FANCL: variants seen among roughly 807,000 people sequenced by gnomAD.
FANCL encodes the protein E3 ubiquitin-protein ligase FANCL.
A neutral mutation model predicts 59.4 loss-of-function variants in FANCL; 69 were observed. The ratio of observed to expected loss-of-function variants is 1.16; its 90% CI spans 0.96 to 1.42. FANCL has a LOEUF of 1.42. Ranked by LOEUF, FANCL falls within the 40% of genes most tolerant of loss-of-function variation. The pLI is 0.00. For missense variants in FANCL, 519 were observed against 447.2 expected (o/e 1.16, Z -1.45); for synonymous variants, 180 against 147.1 (o/e 1.22, Z -1.62).
intron 7 of FANCL, among the ~76,000 whole-genome samples, chr2:58,188,695 C>T (rs1203633990): frequency 6.6e-6 from 1 of 151,630 alleles, no homozygotes; most frequent in Non-Finnish European, 1.5e-5. Flanking sequence ...TCGTCTCGGC[C>T]TCCTGAAGTG....
intron 7 of FANCL, among the ~76,000 whole-genome samples, chr2:58,196,889 T>A (rs1211460366): frequency 6.6e-6 from 1 of 151,772 alleles, no homozygotes; most frequent in Non-Finnish European, 1.5e-5. Flanking sequence ...TTTCTCATGA[T>A]CTCACTTAAA....
intron 5 of FANCL, among the ~76,000 whole-genome samples, chr2:58,216,828 G>A (rs964251049): frequency 3.3e-5 from 5 of 151,658 alleles, no homozygotes; most frequent in East Asian, 2.0e-4. Context: ...TCTCCTTACC[G>A]CCCAGGTTGG....
intron 1 of FANCL, among the ~76,000 whole-genome samples, chr2:58,237,147 T>C (rs978998504): frequency 2.0e-5 from 3 of 152,138 alleles, no homozygotes; most frequent in African/African-American, 7.2e-5. Flanking sequence ...TATAATACTC[T>C]ACCCAATAGC....
At chr2:58,218,963 A>C (rs920643740) in intron 5 of FANCL, among the ~76,000 whole-genome samples, 1 of 150,658 alleles carries the variant, frequency 6.6e-6, no homozygotes, top group Non-Finnish European at 1.5e-5. Flanking sequence ...TTTTTCAGCT[A>C]AGAAGGCCTA....
At chr2:58,190,452 G>A (rs1335111080) in intron 7 of FANCL, among the ~76,000 whole-genome samples, 5 of 135,460 alleles carry the variant, frequency 3.7e-5, no homozygotes, top group African/African-American at 1.4e-4. Flanking sequence ...ATCCTATATT[G>A]TGTACTATTC....
chr2:58,201,030 TGG>T (rs1479315243), intron 6 of FANCL, among the ~76,000 whole-genome samples: 3 of 150,800 alleles, frequency 2.0e-5, no homozygotes, highest in Non-Finnish European at 4.4e-5. Context: ...TATGTAAGTC[TGG>T]ATGATTTATC....
At chr2:58,162,336 A>G (rs1685311442) in intron 11 of FANCL, among the ~76,000 whole-genome samples, 1 of 151,958 alleles carries the variant, frequency 6.6e-6, no homozygotes, top group Admixed American at 6.6e-5. Context: ...TAAACAGACT[A>G]TGTAGAAAAG....
At chr2:58,223,412 C>A (rs1558815566) in intron 4 of FANCL, among the ~76,000 whole-genome samples, 1 of 151,772 alleles carries the variant, frequency 6.6e-6, no homozygotes. Context: ...TGTTTTTATT[C>A]TGAAATATTA....
At chr2:58,218,729 A>C (rs1313469242) in intron 5 of FANCL, among the ~76,000 whole-genome samples, 1 of 152,028 alleles carries the variant, frequency 6.6e-6, no homozygotes, top group Non-Finnish European at 1.5e-5. Context: ...GCAACTGAAC[A>C]ATTAAGTAAA....
chr2:58,159,386 A>T lies in FANCL; in HGVS notation c.*379T>A, dbSNP rs1404775219. 4.3e-6 allele frequency: 7 copies of T among 1,612,604 alleles called. No individual in the cohort carries two copies. The highest frequency in any genetic ancestry group is 5.9e-6 in the Non-Finnish European group (7 of 1,179,354). ...AGAAGACAGAAATATCAAGAGTCTC[A>T]AGAACCTTTGAATGAAGTAAACAGT... On this transcript the variant is annotated 3_prime_UTR_variant, in exon 14 of 14. Coordinates refer to ENST00000233741, the MANE Select transcript of FANCL (RefSeq NM_018062.4).
At chr2:58,222,652 T>C (rs1029698305) in intron 4 of FANCL, among the ~76,000 whole-genome samples, 1 of 152,064 alleles carries the variant, frequency 6.6e-6, no homozygotes, top group African/African-American at 2.4e-5. Context: ...TTAAAATGTT[T>C]ATGTTCTCCC....
At chr2:58,184,959 C>T (rs958257779) in intron 7 of FANCL, among the ~76,000 whole-genome samples, 2 of 152,120 alleles carry the variant, frequency 1.3e-5, no homozygotes, top group Non-Finnish European at 1.5e-5. Context: ...CACCAACCCA[C>T]CACAGACTTT....
intron 7 of FANCL, among the ~76,000 whole-genome samples, chr2:58,182,615 C>T (rs953488882): frequency 2.2e-4 from 33 of 151,736 alleles, no homozygotes; most frequent in Non-Finnish European, 5.9e-5. Flanking sequence ...TTATCTTCAA[C>T]TTAAAATAGT....
chr2:58,201,157 G>A (rs935762650), intron 6 of FANCL, among the ~76,000 whole-genome samples: 4 of 150,636 alleles, frequency 2.7e-5, no homozygotes, highest in Non-Finnish European at 5.9e-5. Flanking sequence ...AAAGTAACTT[G>A]ATCAAAATTA....
chr2:58,197,565 C>T (rs905451721), intron 7 of FANCL, among the ~76,000 whole-genome samples: 1 of 152,078 alleles, frequency 6.6e-6, no homozygotes, highest in Admixed American at 6.5e-5. Context: ...ATAGTACTAC[C>T]GATAATCATA....
rs1370711662 is a variant in FANCL, at chr2:58,235,001, A to G, written c.97-2889T>C. ...AAGGGAAACAAATGTGAAAATGCCT[A>G]AAATTGTCTGGTTCTATGATGGGAG... is the stretch of plus-strand genomic sequence containing the variant. On this transcript the variant is annotated intron_variant, in intron 1 of 13. Transcript: ENST00000233741. 3.9e-5 allele frequency among the ~76,000 whole-genome samples: 6 copies of G among 152,046 alleles called. No homozygotes were observed. In the South Asian group the frequency reaches 6.2e-4, roughly 16 times the overall value.
chr2:58,163,178 A>G, intron 9 of FANCL, 104 bp from the exon 10 acceptor site: 1 of 1,039,334 alleles, frequency 9.6e-7, no homozygotes, highest in Non-Finnish European at 1.4e-6. Context: ...TAGAAAATCA[A>G]AATTATATGT....
intron 7 of FANCL, among the ~76,000 whole-genome samples, chr2:58,181,254 T>G (rs1687913391): frequency 6.6e-6 from 1 of 151,972 alleles, no homozygotes; most frequent in African/African-American, 2.4e-5. Flanking sequence ...TGTCACAACA[T>G]GGATAAATTT....
intron 7 of FANCL, among the ~76,000 whole-genome samples, chr2:58,179,377 CA>C (rs1687693124): frequency 6.6e-6 from 1 of 152,046 alleles, no homozygotes. Flanking sequence ...GTACTGGTAC[CA>C]AAACAGAGAT....
Sources: allele counts gnomAD v4.1 joint callset (sites outside exome capture counted in the v4.1 genomes callset), GRCh38; gene constraint gnomAD v4.1.1; transcripts MANE v1.5; gene names NCBI Gene and HGNC (gene_info 2026-07-23, HGNC 2026-07-21).